Variants in ABCB5 observed in about 807,000 individuals in gnomAD.
ABCB5 encodes the protein ATP binding cassette subfamily B member 5, also known as ATP-binding cassette sub-family B member 5.
ABCB5 carries 155 observed loss-of-function variants against 144.2 expected under a neutral mutation model. The ratio of observed to expected loss-of-function variants is 1.08; its 90% CI spans 0.94 to 1.23. ABCB5 has a LOEUF of 1.23. Ranked by LOEUF, ABCB5 falls within the 50% of genes most tolerant of loss-of-function variation. ABCB5 has a pLI of 0.00. For missense variants in ABCB5, 1,830 were observed against 1,520.8 expected (o/e 1.20, Z -3.38); for synonymous variants, 610 against 528.6 (o/e 1.15, Z -2.11).
At position 20,753,424 on chromosome 7, in the gene ABCB5, C is replaced by G. The variant is rs752546775; in HGVS notation, c.3494C>G (p.Ala1165Gly). The G allele has an allele frequency of 4.3e-6, 7 of 1,614,146 alleles. No individual in the cohort carries two copies. The highest frequency in any genetic ancestry group is 5.9e-6 in the Non-Finnish European group (7 of 1,180,008). The stretch of plus-strand genomic sequence containing the variant: ...TCTGGCGGCCAGAAACAAAGACTAG[C>G]TATTGCAAGGGCTCTTCTCCAAAAA... The part of the protein sequence containing the change: ...QLSGGQKQRL[A>G]IARALLQKPK... Residue 1165 changes from alanine to glycine, a missense_variant, in exon 27 of 28, where the codon GCT (alanine) becomes GGT (glycine). Coordinates refer to ENST00000404938, the MANE Select transcript of ABCB5 (RefSeq NM_001163941.2).
chr7:20,680,230 C>A (rs1313014785), intron 14 of ABCB5, among the ~76,000 whole-genome samples: 1 of 151,980 alleles, frequency 6.6e-6, no homozygotes, highest in African/African-American at 2.4e-5. Context: ...TGTTAGAAAT[C>A]GGGATAGTGG....
At chr7:20,665,768 G>GATAGAGATAC (rs1562549609) in intron 14 of ABCB5, among the ~76,000 whole-genome samples, 5,461 of 125,022 alleles carry the variant, frequency 0.044, 112 homozygotes, top group South Asian at 0.054. Flanking sequence ...GATAGATAGA[G>GATAGAGATAC]ATACATACAT....
chr7:20,615,714 C>CA lies in ABCB5; in HGVS notation c.-139dup, dbSNP rs1331468201. The CA allele has an allele frequency of 3.3e-5, 5 of 151,752 alleles. No individual in the cohort carries two copies. Among genetic ancestry groups the CA allele is most frequent in the South Asian group, 4.2e-4 (2 of 4,814 alleles). 9.4% of individuals were successfully genotyped at this position (151,752 alleles called of 1,614,324 possible). A position where few individuals can be genotyped will look rare whatever the true frequency, so the allele number is the denominator to read the frequency against. ...CAGACTAGAAGGCTGGAAATTCTGG[C>CA]AAAAAATTGATACCTTGTATCTGAA... is the stretch of plus-strand genomic sequence containing the variant. On this transcript the variant is annotated 5_prime_UTR_variant, in exon 1 of 28. Coordinates refer to ENST00000404938, the MANE Select transcript of ABCB5 (RefSeq NM_001163941.2).
At chr7:20,681,423 G>T in intron 14 of ABCB5, 82 bp from the exon 15 acceptor site, 2 of 1,481,870 alleles carry the variant, frequency 1.3e-6, no homozygotes, top group Non-Finnish European at 9.1e-7. Context: ...CACCATGCCG[G>T]GTCAACAAAG....
At chr7:20,660,739 T>C (rs543996420) in intron 14 of ABCB5, among the ~76,000 whole-genome samples, 15 of 152,324 alleles carry the variant, frequency 9.8e-5, no homozygotes, top group Non-Finnish European at 1.5e-4. Flanking sequence ...AACAGTTTTA[T>C]GCTGCTCAAA....
intron 5 of ABCB5, among the ~76,000 whole-genome samples, chr7:20,638,595 A>G (rs1784214647): frequency 6.6e-6 from 1 of 152,236 alleles, no homozygotes; most frequent in Non-Finnish European, 1.5e-5. Context: ...TTGTATATGC[A>G]TGGAAATATA....
intron 21 of ABCB5, among the ~76,000 whole-genome samples, chr7:20,726,358 C>CTG (rs1554288876): frequency 6.4e-5 from 5 of 78,420 alleles, no homozygotes; most frequent in African/African-American, 2.6e-4. Flanking sequence ...TCTCTGCTAT[C>CTG]TTTTTTTTTT....
At chr7:20,753,557 A>C in intron 27 of ABCB5, 51 bp downstream of exon 27, 2 of 1,561,208 alleles carry the variant, frequency 1.3e-6, no homozygotes, top group Non-Finnish European at 1.7e-6. Context: ...ATAAGCATCC[A>C]ATAACATGGA....
In ABCB5 at chr7:20,646,074, T is replaced by C; in HGVS notation, c.917T>C (p.Phe306Ser). Residue 306 changes from phenylalanine (F) to serine (S), a missense_variant, in exon 9 of 28, where the codon TTT (phenylalanine) becomes TCT (serine). Transcript: ENST00000404938. ...ATGAATGGAACCTATGGACTTGCTT[T>C]TTGGTATGGAACCTCCTTGATTCTT... ...FFMNGTYGLA[F>S]WYGTSLILNG... 2 of 1,613,884 alleles carry C rather than the reference T, an allele frequency of 1.2e-6. No homozygotes were observed. Among genetic ancestry groups the C allele is most frequent in the Non-Finnish European group, 8.5e-7 (1 of 1,179,798 alleles).
At chr7:20,745,992 C>T (rs1782708303) in intron 26 of ABCB5, among the ~76,000 whole-genome samples, 1 of 152,220 alleles carries the variant, frequency 6.6e-6, no homozygotes, top group African/African-American at 2.4e-5. Context: ...GAGCTGGTCT[C>T]TCCTGTCTCA....
intron 24 of ABCB5, among the ~76,000 whole-genome samples, chr7:20,739,765 T>G (rs1782503307): frequency 6.6e-6 from 1 of 152,108 alleles, no homozygotes; most frequent in African/African-American, 2.4e-5. Context: ...ATTCTGCTGC[T>G]TCAGACACCA....
In ABCB5 at chr7:20,632,113, T is replaced by G. The variant is rs906897846; in HGVS notation, c.314T>G (p.Leu105Arg). 1.3e-6 allele frequency: 2 copies of G among 1,512,530 alleles called. No homozygotes were observed. The highest frequency in any genetic ancestry group is 2.6e-5 in the South Asian group (2 of 77,990). The allele number at this position is 1,512,530 out of a possible 1,614,324, so 93.7% of individuals were successfully genotyped here. ...SQEKLNEDMT[L>R]LTLYYVGIGV... ...GAGAAGCTGAATGAAGATATGACTC[T>G]GTAAGTCCAAATGAAACGTTAATAT... Residue 105 changes from leucine to arginine, a missense_variant and splice_region_variant, in exon 5 of 28, where the codon CTG becomes CGG. Physicochemically the swap from Leu to Arg is moderately radical, Grantham distance 102 (BLOSUM62 -2). Coordinates refer to ENST00000404938, the MANE Select transcript of ABCB5 (RefSeq NM_001163941.2).
intron 23 of ABCB5, among the ~76,000 whole-genome samples, chr7:20,737,924 A>T (rs1428018863): frequency 6.6e-6 from 1 of 152,116 alleles, no homozygotes; most frequent in Non-Finnish European, 1.5e-5. Context: ...TTTTAGTGTT[A>T]TTTTTGTTTT....
intron 23 of ABCB5, among the ~76,000 whole-genome samples, chr7:20,731,431 T>C (rs1394455665): frequency 1.3e-5 from 2 of 151,440 alleles, no homozygotes; most frequent in Admixed American, 6.6e-5. Flanking sequence ...GGACTCTGTG[T>C]GTTGGAGGGC....
intron 14 of ABCB5, chr7:20,666,707 G>T: frequency 6.3e-7 from 1 of 1,577,718 alleles, no homozygotes; most frequent in Non-Finnish European, 8.6e-7. Context: ...TGTGTAATCT[G>T]TGAAGTAGGA....
intron 14 of ABCB5, among the ~76,000 whole-genome samples, chr7:20,666,170 CAAAA>C (rs60445898): frequency 8.6e-5 from 10 of 115,762 alleles, no homozygotes; most frequent in African/African-American, 2.6e-4. Flanking sequence ...AACTCTGTCT[CAAAA>C]AAAAAAAAAA....
chr7:20,704,263 G>C (rs951991688), intron 19 of ABCB5, among the ~76,000 whole-genome samples: 3 of 151,720 alleles, frequency 2.0e-5, no homozygotes, highest in Non-Finnish European at 4.4e-5. Context: ...TTTTTGTAAA[G>C]ACAGAGTTTT....
intron 5 of ABCB5, among the ~76,000 whole-genome samples, chr7:20,638,617 G>A (rs773466264): frequency 5.3e-5 from 8 of 152,156 alleles, no homozygotes; most frequent in Non-Finnish European, 1.2e-4. Flanking sequence ...AATATGTAAG[G>A]TTCTTGTACC....
chr7:20,650,053 C>T lies in ABCB5; in HGVS notation c.1238C>T (p.Ser413Phe). 2 of 1,613,368 alleles carry T rather than the reference C, an allele frequency of 1.2e-6. No homozygotes were observed. Among genetic ancestry groups the T allele is most frequent in the Non-Finnish European group, 1.7e-6 (2 of 1,179,574 alleles). The change falls in exon 12 of 28, where the codon TCT becomes TTT. Residue 413 changes from serine to phenylalanine, a missense_variant. By Grantham distance (155) the Ser-to-Phe change is radical. Transcript: ENST00000404938. ...ILKGLNLRIK[S>F]GETVALVGLN... Reference sequence around the variant, plus strand: ...AAAGGTCTGAATCTCAGAATTAAGTCTGGAGAGACAGTCGCCTTGGTCGGT... The same window carrying T: ...AAAGGTCTGAATCTCAGAATTAAGTTTGGAGAGACAGTCGCCTTGGTCGGT...
Sources: allele counts gnomAD v4.1 joint callset (sites outside exome capture counted in the v4.1 genomes callset), GRCh38; gene constraint gnomAD v4.1.1; transcripts MANE v1.5; gene names NCBI Gene and HGNC (gene_info 2026-07-23, HGNC 2026-07-21).